XNDC1N: variants seen among roughly 807,000 people sequenced by gnomAD.
The protein encoded by XNDC1N is protein XNDC1N.
the XNDC1N span, among the ~76,000 whole-genome samples, chr11:71,913,665 T>TAAAAAAAAAAAAAAAAAAAAGAAAAAAAA: frequency 9.5e-6 from 1 of 105,346 alleles, no homozygotes; most frequent in Non-Finnish European, 2.0e-5. Flanking sequence ...TCTCAAAAGA[T>TAAAAAAAAAAAAAAAAAAAAGAAAAAAAA]AAAAAAAAAA....
chr11:71,879,672 C>G, the XNDC1N span, among the ~76,000 whole-genome samples: 1 of 151,998 alleles, frequency 6.6e-6, no homozygotes, highest in Non-Finnish European at 1.5e-5. Context: ...CAGTGGTTAT[C>G]AAGTGTATTC....
chr11:71,905,560 C>G, the XNDC1N span, among the ~76,000 whole-genome samples: 2 of 152,078 alleles, frequency 1.3e-5, no homozygotes, highest in South Asian at 2.1e-4. Context: ...TAGGAGATTA[C>G]GAATGATATC....
chr11:71,903,389 C>T, the XNDC1N span: 10 of 1,437,464 alleles, frequency 7.0e-6, no homozygotes, highest in Non-Finnish European at 9.8e-6. Flanking sequence ...TCCAACCTGT[C>T]CTTGCCTGAC....
the XNDC1N span, among the ~76,000 whole-genome samples, chr11:71,912,087 T>C: frequency 6.6e-6 from 1 of 152,142 alleles, no homozygotes; most frequent in Non-Finnish European, 1.5e-5. Context: ...CTGGAAAAGT[T>C]GTTAGGCTGG....
chr11:71,881,219 A>G, the XNDC1N span, among the ~76,000 whole-genome samples: 1 of 152,164 alleles, frequency 6.6e-6, no homozygotes, highest in African/African-American at 2.4e-5. Flanking sequence ...CATATTTGGA[A>G]TTTTTATATC....
chr11:71,890,970 T>G, the XNDC1N span, among the ~76,000 whole-genome samples: 2 of 151,860 alleles, frequency 1.3e-5, no homozygotes, highest in African/African-American at 2.4e-5. Context: ...GGGAACAACA[T>G]CACAGGAGGG....
chr11:71,875,445 C>T, the XNDC1N span, among the ~76,000 whole-genome samples: 20 of 151,934 alleles, frequency 1.3e-4, no homozygotes, highest in South Asian at 4.2e-3. Flanking sequence ...AGGATATAGG[C>T]ATATATGTGT....
At chr11:71,906,675 A>G in the XNDC1N span, among the ~76,000 whole-genome samples, 2 of 152,182 alleles carry the variant, frequency 1.3e-5, no homozygotes, top group African/African-American at 4.8e-5. Context: ...GACGAAGACT[A>G]TTAAAAGGTG....
At chr11:71,876,944 G>A in the XNDC1N span, among the ~76,000 whole-genome samples, 352 of 152,310 alleles carry the variant, frequency 2.3e-3, 1 homozygote, top group African/African-American at 8.2e-3. Context: ...TAGGGTGCTG[G>A]CAGAGGCTTG....
the XNDC1N span, among the ~76,000 whole-genome samples, chr11:71,870,122 C>T: frequency 0.19 from 28,474 of 151,950 alleles, 4,863 homozygotes; most frequent in African/African-American, 0.45. Context: ...AGCTCACTCA[C>T]TGGGGAAGCA....
the XNDC1N span, among the ~76,000 whole-genome samples, chr11:71,892,485 T>C: frequency 6.6e-6 from 1 of 152,042 alleles, no homozygotes; most frequent in African/African-American, 2.4e-5. Context: ...GCCACCATGA[T>C]ATTAGGAGCA....
At chr11:71,867,494 C>A in the XNDC1N span, among the ~76,000 whole-genome samples, 8 of 152,192 alleles carry the variant, frequency 5.3e-5, no homozygotes, top group African/African-American at 1.9e-4. Context: ...TGCCTGTGGA[C>A]CCTGCTGCAG....
the XNDC1N span, among the ~76,000 whole-genome samples, chr11:71,898,660 A>C: frequency 6.6e-6 from 1 of 152,192 alleles, no homozygotes. Flanking sequence ...AAGTGTCTAG[A>C]GTAGTTAAAC....
At chr11:71,895,212 G>A in the XNDC1N span, among the ~76,000 whole-genome samples, 1 of 152,002 alleles carries the variant, frequency 6.6e-6, no homozygotes, top group African/African-American at 2.4e-5. Context: ...ATTAATTGTA[G>A]TATGATTTCT....
chr11:71,902,880 T>C, the XNDC1N span, among the ~76,000 whole-genome samples: 7 of 152,382 alleles, frequency 4.6e-5, no homozygotes, highest in African/African-American at 1.7e-4. Context: ...AGATAGGCTG[T>C]ATTTTCTAGC....
chr11:71,876,077 A>G, the XNDC1N span, among the ~76,000 whole-genome samples: 20 of 152,306 alleles, frequency 1.3e-4, no homozygotes, highest in African/African-American at 3.8e-4. Context: ...GAAGAAAAAT[A>G]GATAATTAAT....
At chr11:71,913,442 C>A in the XNDC1N span, among the ~76,000 whole-genome samples, 15 of 152,020 alleles carry the variant, frequency 9.9e-5, no homozygotes, top group Non-Finnish European at 1.9e-4. Context: ...TAGTGGATCA[C>A]AAGGTCACAA....
chr11:71,887,566 G>A, the XNDC1N span, among the ~76,000 whole-genome samples: 2 of 151,592 alleles, frequency 1.3e-5, no homozygotes, highest in Non-Finnish European at 2.9e-5. Flanking sequence ...TCCAGGATTG[G>A]CCAGTTAAGA....
At chr11:71,873,448 T>C in the XNDC1N span, among the ~76,000 whole-genome samples, 2 of 152,238 alleles carry the variant, frequency 1.3e-5, no homozygotes. Flanking sequence ...TGATTTCTGA[T>C]ATTAGCAACT....
Sources: gnomAD v4.1 joint callset for allele counts (sites outside exome capture counted in the v4.1 genomes callset) on GRCh38, gnomAD v4.1.1 for gene constraint, MANE v1.5 for transcripts, NCBI Gene and HGNC (gene_info 2026-07-23, HGNC 2026-07-21) for gene names.